IPPK: variants seen among roughly 807,000 people sequenced by gnomAD.
The protein encoded by IPPK is inositol-pentakisphosphate 2-kinase.
In IPPK, 22 loss-of-function variants were observed where a neutral mutation model predicts 64.6. That is an observed-to-expected ratio of 0.34 (90% CI 0.24 to 0.49). IPPK has a LOEUF of 0.49. Ranked by LOEUF, IPPK falls within the 20% of genes least tolerant of loss-of-function variation. The pLI is 0.99. For missense variants in IPPK, 532 were observed against 630.7 expected (o/e 0.84, Z 1.68); for synonymous variants, 262 against 247.2 (o/e 1.06, Z -0.56).
intron 11 of IPPK, among the ~76,000 whole-genome samples, chr9:92,626,965 A>G (rs897613957): frequency 2.0e-5 from 3 of 152,052 alleles, no homozygotes; most frequent in Non-Finnish European, 1.5e-5. Flanking sequence ...CCAGATAAAA[A>G]ATTATTTTCA....
At chr9:92,656,058 G>A (rs1188123894) in intron 3 of IPPK, among the ~76,000 whole-genome samples, 1 of 152,172 alleles carries the variant, frequency 6.6e-6, no homozygotes, top group African/African-American at 2.4e-5. Flanking sequence ...GCCCTTCCTG[G>A]GTGTGATAAG....
chr9:92,615,184 G>C lies in IPPK; in HGVS notation c.*648C>G, dbSNP rs991114887. ...AAAAAAGGTCAATGCTCGCATGAGTGGTGTCCATCCTGACCTGAGCCTTGC... is the reference window on the plus strand; with the variant it reads ...AAAAAAGGTCAATGCTCGCATGAGTCGTGTCCATCCTGACCTGAGCCTTGC... On this transcript the variant is annotated 3_prime_UTR_variant, in exon 13 of 13. Transcript: ENST00000287996. 1 of 152,300 alleles carries C rather than the reference G, an allele frequency of 6.6e-6. No individual in the cohort carries two copies. The highest frequency in any genetic ancestry group is 1.5e-5 in the Non-Finnish European group (1 of 68,104). The allele number at this position is 152,300 out of a possible 1,614,324, so 9.4% of individuals were successfully genotyped here.
intron 12 of IPPK, chr9:92,617,978 T>C (rs1851495906): frequency 1.5e-5 from 5 of 334,242 alleles, no homozygotes; most frequent in South Asian, 1.2e-4. Flanking sequence ...GAGCTGCAAA[T>C]TAGTCTAGGG....
chr9:92,661,637 A>G (rs1361849686), intron 1 of IPPK, among the ~76,000 whole-genome samples: 19 of 152,162 alleles, frequency 1.2e-4, no homozygotes, highest in Admixed American at 1.2e-3. Context: ...GCCACAACCA[A>G]CCAAGGAAAC....
intron 1 of IPPK, among the ~76,000 whole-genome samples, chr9:92,660,279 G>A (rs1852454985): frequency 6.6e-6 from 1 of 152,148 alleles, no homozygotes. Context: ...CTAGCGATGT[G>A]TAAGTGTGAC....
chr9:92,664,790 AT>A (rs1175531965), intron 1 of IPPK, among the ~76,000 whole-genome samples: 1 of 152,214 alleles, frequency 6.6e-6, no homozygotes, highest in East Asian at 1.9e-4. Context: ...AGACACAGTA[AT>A]GATGCTTTTC....
In IPPK at chr9:92,649,457, A is replaced by G; in HGVS notation, c.410T>C (p.Ile137Thr). 1 of 1,614,058 alleles carries G rather than the reference A, an allele frequency of 6.2e-7. No homozygotes were observed. The highest frequency in any genetic ancestry group is 8.5e-7 in the Non-Finnish European group (1 of 1,179,980). Reference sequence around the variant, plus strand: ...ATCTGCCCCTCGACAGGTCACCTTAATCTCTACACACAGAATCGGCCGGTG... The same window carrying G: ...ATCTGCCCCTCGACAGGTCACCTTAGTCTCTACACACAGAATCGGCCGGTG... ...AEHRPILCVE[I>T]KPKCGFIPFS... The change falls in exon 5 of 13, where the codon ATT (isoleucine) becomes ACT (threonine). Residue 137 changes from isoleucine (I) to threonine (T), a missense_variant. Transcript: ENST00000287996.
chr9:92,655,490 C>A (rs570828084), intron 3 of IPPK, among the ~76,000 whole-genome samples: 2 of 152,232 alleles, frequency 1.3e-5, no homozygotes, highest in East Asian at 3.9e-4. Context: ...CCACTGAGGA[C>A]AAACCTGGAG....
At chr9:92,661,655 C>T (rs989512426) in intron 1 of IPPK, among the ~76,000 whole-genome samples, 4 of 152,216 alleles carry the variant, frequency 2.6e-5, no homozygotes, top group African/African-American at 9.6e-5. Flanking sequence ...AACCTGAATA[C>T]AGTGATTTGT....
chr9:92,641,209 G>T (rs1014289026), intron 7 of IPPK, among the ~76,000 whole-genome samples: 4 of 152,180 alleles, frequency 2.6e-5, no homozygotes, highest in Non-Finnish European at 5.9e-5. Flanking sequence ...GGCCACGAAG[G>T]GAGTGCTGGG....
rs1851927935 is a variant in IPPK, at chr9:92,635,637, C to T, written c.917-329G>A. On this transcript the variant is annotated intron_variant, in intron 9 of 12. Coordinates refer to ENST00000287996, the MANE Select transcript of IPPK (RefSeq NM_022755.6). The surrounding 1 kb of genome is among the most constrained non-coding windows in gnomAD (Gnocchi z 4.4). ...TCCTTTAGATTCCACCACAACAGCC[C>T]TGGAAGTCACTTTATGATCTAAGTT... Among the ~76,000 whole-genome samples, 1 of 152,214 alleles carries T rather than the reference C, an allele frequency of 6.6e-6. No individual in the cohort carries two copies. The highest frequency in any genetic ancestry group is 2.4e-5 in the African/African-American group (1 of 41,466).
At position 92,635,277 on chromosome 9, in the gene IPPK, C is replaced by A; in HGVS notation, c.948G>T (p.Pro316=). The A allele has an allele frequency of 6.2e-7, 1 of 1,614,014 alleles. No individual in the cohort carries two copies. The highest frequency in any genetic ancestry group is 8.5e-7 in the Non-Finnish European group (1 of 1,179,944). ...GKNTPERSGL[P]KGCLLYKTLQ... is the part of the protein sequence containing the mutation. ...GGGTTTTGTACAGAAGACAGCCCTT[C>A]GGTAACCCCGAGCGCTCTGGGGTGT... The change falls in exon 10 of 13, where the codon CCG becomes CCT. Residue 316 remains proline, a synonymous_variant. Transcript: ENST00000287996. The surrounding 1 kb of genome is among the most constrained non-coding windows in gnomAD (Gnocchi z 4.4).
At chr9:92,644,319 A>G (rs72756420) in intron 6 of IPPK, among the ~76,000 whole-genome samples, 2,960 of 152,328 alleles carry the variant, frequency 0.019, 50 homozygotes, top group Middle Eastern at 0.034. Context: ...TAAATGCCCT[A>G]TTCCCATCCC....
At chr9:92,668,470 G>A (rs902786756) in intron 1 of IPPK, among the ~76,000 whole-genome samples, 4 of 152,164 alleles carry the variant, frequency 2.6e-5, no homozygotes, top group African/African-American at 9.7e-5. Flanking sequence ...CTCCAAGCCT[G>A]AAACTTGCTG....
intron 2 of IPPK, among the ~76,000 whole-genome samples, 187 bp from the exon 3 acceptor site, chr9:92,656,738 C>G (rs906311097): frequency 3.9e-5 from 6 of 152,132 alleles, no homozygotes; most frequent in African/African-American, 1.4e-4. Flanking sequence ...CACCAGCGTC[C>G]CTCCCCAGCC....
chr9:92,620,977 A>G (rs1392425814), intron 11 of IPPK, among the ~76,000 whole-genome samples: 1 of 152,234 alleles, frequency 6.6e-6, no homozygotes, highest in Non-Finnish European at 1.5e-5. Flanking sequence ...AGAGGCTGGG[A>G]TGTCCAAGAC....
chr9:92,634,261 A>G, intron 11 of IPPK, 125 bp downstream of exon 11: 2 of 649,902 alleles, frequency 3.1e-6, no homozygotes, highest in Non-Finnish European at 5.4e-6. Flanking sequence ...CTTCTTTTTG[A>G]TCCCAAGTTT....
chr9:92,658,748 T>G (rs973235832), intron 1 of IPPK, 67 bp from the exon 2 acceptor site: 8 of 1,419,240 alleles, frequency 5.6e-6, no homozygotes, highest in Non-Finnish European at 8.0e-6. Flanking sequence ...GTCAGTCAGT[T>G]TGGGGGTCCC....
In IPPK at chr9:92,619,720, G is replaced by A. The variant is rs906145322; in HGVS notation, c.1171-155C>T. On this transcript the variant is annotated intron_variant, in intron 11 of 12. Transcript: ENST00000287996. The stretch of plus-strand genomic sequence containing the variant: ...AGGGCCACGGTGAGCACGGGCGTCA[G>A]GAGGTCGCCCTGTGAGAGCACCTGG... 5.9e-6 allele frequency: 4 copies of A among 682,742 alleles called. No individual in the cohort carries two copies. In the African/African-American group the frequency reaches 7.0e-5, roughly 12 times the overall value. The allele number at this position is 682,742 out of a possible 1,614,324, so 42.3% of individuals were successfully genotyped here.
Sources: gnomAD v4.1 joint callset for allele counts (sites outside exome capture counted in the v4.1 genomes callset) on GRCh38, gnomAD v4.1.1 for gene constraint, Gnocchi (gnomAD v3.1) non-coding constraint, MANE v1.5 for transcripts, NCBI Gene and HGNC (gene_info 2026-07-23, HGNC 2026-07-21) for gene names.